The following SLC26A4 variants were observed in gnomAD, a reference collection of about 807,000 sequenced individuals.
SLC26A4 encodes solute carrier family 26 member 4.
A neutral mutation model predicts 90.4 loss-of-function variants in SLC26A4; 93 were observed. The ratio of observed to expected loss-of-function variants is 1.03; its 90% confidence interval spans 0.87 to 1.22. The LOEUF (loss-of-function observed/expected upper bound fraction) is 1.22. SLC26A4 is among the 50% of genes most tolerant of loss of function. SLC26A4 has a pLI of 0.00. For missense variants in SLC26A4, 1,127 were observed against 946.2 expected, an observed-to-expected ratio of 1.19 and a Z score of -2.51; for synonymous variants, 393 against 354.6, an observed-to-expected ratio of 1.11 and a Z score of -1.22.
chr7:107,707,383 C>T (rs1792062999), intron 18 of SLC26A4, among the ~76,000 whole-genome samples: 2 of 152,146 alleles, frequency 1.3e-5, no homozygotes, highest in Non-Finnish European at 2.9e-5. Flanking sequence ...TATTAGAAAC[C>T]TGTATTTGTC....
rs1792136044 is a variant in SLC26A4 at position 107,709,987 on chromosome 7, T to C, written c.2090-67T>C. The C allele has an allele frequency of 4.4e-6, 6 of 1,356,708 alleles. No individual in the cohort carries two copies. The South Asian group carries it at 7.1e-5, about 16-fold the overall frequency. The allele number at this position is 1,356,708 out of a possible 1,614,324, so 84.0% of individuals were successfully genotyped here. A position where few individuals can be genotyped will look rare whatever the true frequency, so the allele number is the denominator to read the frequency against. ...CAGCCTGGGCAATAGAATGAGACTC[T>C]GTCTCAAAAACAAACAAAAATTTCT... On this transcript the variant is annotated intron_variant, in intron 18 of 20. Coordinates refer to ENST00000644269, the MANE Select transcript of SLC26A4 (RefSeq NM_000441.2).
intron 13 of SLC26A4, among the ~76,000 whole-genome samples, chr7:107,696,353 A>G (rs926077778): frequency 5.3e-5 from 8 of 152,190 alleles, no homozygotes; most frequent in Admixed American, 1.3e-4. Flanking sequence ...CATGTCCTCT[A>G]CTGCTGTGCT....
intron 18 of SLC26A4, among the ~76,000 whole-genome samples, chr7:107,705,246 G>A (rs530988523): frequency 1.8e-4 from 28 of 152,100 alleles, no homozygotes; most frequent in Non-Finnish European, 3.2e-4. Context: ...CATCATTTTG[G>A]GTTTCTGGTC....
At chr7:107,701,765 T>C in intron 16 of SLC26A4, 62 bp from the exon 17 acceptor site, 3 of 1,080,610 alleles carry the variant, frequency 2.8e-6, no homozygotes, top group South Asian at 2.5e-5. Context: ...GATAATTTGA[T>C]ATGAATGGTT....
Position 107,712,587 on chromosome 7 carries a change from G to A in SLC26A4, c.2284G>A (p.Glu762Lys). The A allele has an allele frequency of 6.3e-7, 1 of 1,593,274 alleles. No homozygotes were observed. The highest frequency in any genetic ancestry group is 8.6e-7 in the Non-Finnish European group (1 of 1,161,100). Residue 762 changes from glutamate to lysine, a missense_variant, in exon 20 of 21, where the codon GAG becomes AAG. Glu to Lys is a moderately conservative substitution (Grantham distance 56). Transcript: ENST00000644269. The stretch of plus-strand genomic sequence containing the variant: ...AGATACCCTTGAATTAATAGAAACA[G>A]AGCTGACGGAAGAAGAACTTGATGT... ...CKDTLELIET[E>K]LTEEELDVQD... is the part of the protein sequence containing the mutation.
At chr7:107,669,542 T>A (rs887235298) in intron 3 of SLC26A4, among the ~76,000 whole-genome samples, 2 of 152,218 alleles carry the variant, frequency 1.3e-5, no homozygotes, top group African/African-American at 4.8e-5. Flanking sequence ...CCTTCCTATT[T>A]TATTCCATGC....
At chr7:107,681,551 T>C (rs192726419) in intron 6 of SLC26A4, among the ~76,000 whole-genome samples, 67 of 149,312 alleles carry the variant, frequency 4.5e-4, no homozygotes, top group African/African-American at 1.6e-3. Flanking sequence ...AAAATATGTC[T>C]ATAAAAAAGC....
intron 10 of SLC26A4, 115 bp downstream of exon 10, chr7:107,690,352 A>C (rs1262304978): frequency 1.4e-6 from 1 of 736,362 alleles, no homozygotes; most frequent in Non-Finnish European, 2.5e-6. Flanking sequence ...TGTACTTCCT[A>C]ATCTGATTCA....
chr7:107,712,706 A>C, intron 20 of SLC26A4, 84 bp downstream of exon 20: 1 of 798,968 alleles, frequency 1.3e-6, no homozygotes, highest in Non-Finnish European at 2.2e-6. Flanking sequence ...TATCTGATTA[A>C]GAACTGTCAG....
chr7:107,669,739 G>A (rs1190130845), intron 3 of SLC26A4, among the ~76,000 whole-genome samples: 1 of 152,090 alleles, frequency 6.6e-6, no homozygotes, highest in Non-Finnish European at 1.5e-5. Context: ...TAGAAAACTA[G>A]AAAATACATA....
Position 107,717,199 on chromosome 7 carries a change from T to C in SLC26A4, c.*1753T>C, listed in dbSNP as rs1031832619. On this transcript the variant is annotated 3_prime_UTR_variant, in exon 21 of 21. Coordinates refer to ENST00000644269, the MANE Select transcript of SLC26A4 (RefSeq NM_000441.2). Reference sequence around the variant, plus strand: ...GGTAAAACCCCGTCTCTACTAAAAATAGAAAAAAAGAAATTAGCCTAGCGT... The same window carrying C: ...GGTAAAACCCCGTCTCTACTAAAAACAGAAAAAAAGAAATTAGCCTAGCGT... 6.6e-6 allele frequency: 1 copy of C among 151,396 alleles called. No homozygotes were observed. Among genetic ancestry groups the C allele is most frequent in the Admixed American group, 6.6e-5 (1 of 15,240 alleles). 9.4% of individuals were successfully genotyped at this position (151,396 alleles called of 1,614,324 possible).
At chr7:107,674,097 C>A in intron 4 of SLC26A4, 67 bp from the exon 5 acceptor site, 1 of 1,434,108 alleles carries the variant, frequency 7.0e-7, no homozygotes, top group Non-Finnish European at 9.8e-7. Context: ...TTTTTTAAAC[C>A]CTATGCAGAC....
Position 107,669,217 on chromosome 7 carries a change from G to A in SLC26A4, c.305-2921G>A, listed in dbSNP as rs147647623. Among the ~76,000 whole-genome samples, 92 of 152,136 alleles carry A rather than the reference G, an allele frequency of 6.0e-4. 1 individual carries two copies. Among genetic ancestry groups the A allele is most frequent in the African/African-American group, 2.1e-3 (87 of 41,526 alleles). ...AGTGATCTTCCCACCTCAGCCTCCC[G>A]AAATGCTAGGATTACAATCATGAGC... is the stretch of plus-strand genomic sequence containing the variant. On this transcript the variant is annotated intron_variant, in intron 3 of 20. Transcript: ENST00000644269.
Position 107,711,784 on chromosome 7 carries a change from C to G in SLC26A4, c.2236-755C>G, listed in dbSNP as rs142078091. 3.5e-3 allele frequency among the ~76,000 whole-genome samples: 527 copies of G among 152,286 alleles called. 3 individuals are homozygous for G. The highest frequency in any genetic ancestry group is 0.012 in the African/African-American group (487 of 41,562). ...ATCACAGGACTATCTCAGGACACAACTTGTAGTTAGACTTATCCTCTACCT... is the reference window on the plus strand; with the variant it reads ...ATCACAGGACTATCTCAGGACACAAGTTGTAGTTAGACTTATCCTCTACCT... On this transcript the variant is annotated intron_variant, in intron 19 of 20. Coordinates refer to ENST00000644269, the MANE Select transcript of SLC26A4 (RefSeq NM_000441.2).
At chr7:107,695,185 A>C (rs1184706905) in intron 12 of SLC26A4, among the ~76,000 whole-genome samples, 1 of 152,230 alleles carries the variant, frequency 6.6e-6, no homozygotes, top group Non-Finnish European at 1.5e-5. Flanking sequence ...AAGAATGAGA[A>C]GACTTCCTAC....
intron 8 of SLC26A4, among the ~76,000 whole-genome samples, chr7:107,687,760 C>T (rs570380853): frequency 2.0e-4 from 31 of 152,246 alleles, no homozygotes; most frequent in African/African-American, 6.0e-4. Context: ...CTGACAAGTC[C>T]GAGTGACCTG....
intron 4 of SLC26A4, among the ~76,000 whole-genome samples, chr7:107,673,593 G>A (rs953973476): frequency 6.6e-6 from 1 of 152,092 alleles, no homozygotes; most frequent in African/African-American, 2.4e-5. Flanking sequence ...ATACACATGA[G>A]GATCACACAC....
chr7:107,686,044 CAG>C (rs1791388717), intron 8 of SLC26A4, among the ~76,000 whole-genome samples: 1 of 151,224 alleles, frequency 6.6e-6, no homozygotes, highest in South Asian at 2.1e-4. Context: ...TTTTCTTTAA[CAG>C]AGTCTCACTC....
At chr7:107,671,547 C>T (rs1382137954) in intron 3 of SLC26A4, among the ~76,000 whole-genome samples, 1 of 152,194 alleles carries the variant, frequency 6.6e-6, no homozygotes, top group Non-Finnish European at 1.5e-5. Flanking sequence ...TGAGTCCATT[C>T]ATTTGAGCAG....
Sources: gnomAD v4.1 joint callset for allele counts (sites outside exome capture counted in the v4.1 genomes callset) on GRCh38, gnomAD v4.1.1 for gene constraint, MANE v1.5 for transcripts, NCBI Gene and HGNC (gene_info 2026-07-23, HGNC 2026-07-21) for gene names.